The following LYZL2 variants were observed in gnomAD, a reference collection of about 807,000 sequenced individuals.
LYZL2 encodes lysozyme-like protein 2.
LYZL2 carries 13 observed loss-of-function variants against 17.1 expected under a neutral mutation model. The ratio of observed to expected loss-of-function variants is 0.76; its 90% CI spans 0.49 to 1.21. The LOEUF is 1.21. Among genes scored for constraint, LYZL2 ranks in the 50% most tolerant of loss-of-function variants. The pLI, the probability that LYZL2 is intolerant of heterozygous loss-of-function variation, is 0.00. For missense variants in LYZL2, 166 were observed against 189.2 expected (o/e 0.88, Z 0.72); for synonymous variants, 63 against 74.4 (o/e 0.85, Z 0.79).
At chr10:30,617,391 GTCGA>G (rs1364732664) in intron 3 of LYZL2, among the ~76,000 whole-genome samples, 1 of 152,168 alleles carries the variant, frequency 6.6e-6, no homozygotes, top group Non-Finnish European at 1.5e-5. Flanking sequence ...AGGAAAGTAT[GTCGA>G]CCGGGCGCGG....
At chr10:30,609,720 A>G (rs1338363637), downstream of LYZL2, among the ~76,000 whole-genome samples, 2 of 152,226 alleles carry the variant, frequency 1.3e-5, no homozygotes, top group Admixed American at 6.5e-5. Flanking sequence ...AAATATCTAT[A>G]AAGGGAACAT....
intron 3 of LYZL2, among the ~76,000 whole-genome samples, chr10:30,614,986 T>C (rs1366287467): frequency 6.6e-6 from 1 of 152,202 alleles, no homozygotes; most frequent in African/African-American, 2.4e-5. Context: ...TAAAGAGCTG[T>C]TTGAATTATG....
At position 30,629,739 on chromosome 10, in the gene LYZL2, G is replaced by T. The variant is rs183167078; in HGVS notation, c.-172C>A. ...GCCATGTCTGATTCTAACAAGGCTC[G>T]AGTAATCCTTTCCTAGCTCAAGAAC... is the stretch of plus-strand genomic sequence containing the variant. On this transcript the variant is annotated 5_prime_UTR_variant, in exon 1 of 5. Coordinates refer to ENST00000647634, the MANE Select transcript of LYZL2 (RefSeq NM_183058.3). 9.2e-5 allele frequency: 146 copies of T among 1,579,024 alleles called. 2 individuals are homozygous for T. The highest frequency in any genetic ancestry group is 5.4e-4 in the African/African-American group (40 of 73,570).
At chr10:30,610,885 A>G (rs1838423388), downstream of LYZL2, among the ~76,000 whole-genome samples, 4 of 152,218 alleles carry the variant, frequency 2.6e-5, no homozygotes. Context: ...TCAAACCATG[A>G]ATCTCAGTTG....
At position 30,619,118 on chromosome 10, in the gene LYZL2, C is replaced by T. The variant is rs186229836; in HGVS notation, c.299-6218G>A. Among the ~76,000 whole-genome samples, 5 of 152,324 alleles carry T rather than the reference C, an allele frequency of 3.3e-5. No homozygotes were observed. The East Asian group carries it at 9.6e-4, about 29-fold the overall frequency. ...CCATCAGAGAAATGCAAATCCAAACCACAATGAGATACCATCTCACATCAG... is the reference window on the plus strand; with the variant it reads ...CCATCAGAGAAATGCAAATCCAAACTACAATGAGATACCATCTCACATCAG... On this transcript the variant is annotated intron_variant, in intron 3 of 4. Coordinates refer to ENST00000647634, the MANE Select transcript of LYZL2 (RefSeq NM_183058.3).
chr10:30,617,674 C>CAAAAAAAAAAAAAAAAAAA (rs1165550893), intron 3 of LYZL2, among the ~76,000 whole-genome samples: 31 of 50,212 alleles, frequency 6.2e-4, no homozygotes, highest in Non-Finnish European at 7.6e-4. Flanking sequence ...GACTCTGTCT[C>CAAAAAAAAAAAAAAAAAAA]AAAAAAAAAA....
chr10:30,622,762 C>T (rs948019213), intron 3 of LYZL2, among the ~76,000 whole-genome samples: 28 of 152,148 alleles, frequency 1.8e-4, no homozygotes, highest in African/African-American at 6.0e-4. Context: ...CAATCGAAAC[C>T]ATATGGCCTG....
chr10:30,628,076 C>T (rs1317927734), intron 1 of LYZL2, among the ~76,000 whole-genome samples: 2 of 151,998 alleles, frequency 1.3e-5, no homozygotes, highest in African/African-American at 2.4e-5. Context: ...AGGAGAATGG[C>T]GTGAACCCAG....
intron 3 of LYZL2, among the ~76,000 whole-genome samples, chr10:30,625,883 C>T (rs1838693619): frequency 1.3e-5 from 2 of 152,192 alleles, no homozygotes. Flanking sequence ...TAGGGGAGGG[C>T]TTCATAAAAC....
intron 1 of LYZL2, among the ~76,000 whole-genome samples, chr10:30,628,380 A>T (rs1838753808): frequency 6.6e-6 from 1 of 152,182 alleles, no homozygotes; most frequent in South Asian, 2.1e-4. Context: ...AGCAAGAGGG[A>T]TGGAGGACAA....
downstream of LYZL2, among the ~76,000 whole-genome samples, chr10:30,609,755 C>A (rs775463770): frequency 1.3e-5 from 2 of 152,166 alleles, no homozygotes; most frequent in Non-Finnish European, 2.9e-5. Flanking sequence ...CTAAAATATA[C>A]TTCTGTTGAA....
At chr10:30,614,779 C>T (rs1346653611) in intron 3 of LYZL2, among the ~76,000 whole-genome samples, 4 of 152,098 alleles carry the variant, frequency 2.6e-5, no homozygotes, top group African/African-American at 9.7e-5. Context: ...TGTTTAGAGC[C>T]TTAACGAGGT....
rs377134765 is a variant in LYZL2, at chr10:30,629,627, C to T, written c.-60G>A. 1.4e-5 allele frequency: 23 copies of T among 1,614,120 alleles called. No individual in the cohort carries two copies. The highest frequency in any genetic ancestry group is 1.9e-5 in the Non-Finnish European group (22 of 1,180,032). ...AGATTCCTGGTGCCTGCCGCAGAGG[C>T]TGACTTCTCAGTTGAGTCTGCGGAA... is the stretch of plus-strand genomic sequence containing the variant. On this transcript the variant is annotated 5_prime_UTR_variant, in exon 1 of 5. Transcript: ENST00000647634.
chr10:30,627,524 G>A (rs1423016702), intron 1 of LYZL2, among the ~76,000 whole-genome samples: 1 of 151,734 alleles, frequency 6.6e-6, no homozygotes, highest in African/African-American at 2.4e-5. Flanking sequence ...TTAACAAATA[G>A]TTAATATTTA....
intron 1 of LYZL2, among the ~76,000 whole-genome samples, chr10:30,627,166 C>T (rs1316106737): frequency 3.3e-5 from 5 of 152,142 alleles, no homozygotes; most frequent in Non-Finnish European, 5.9e-5. Context: ...GCTGTGTTCT[C>T]AGGGTTAAGT....
chr10:30,616,151 C>G (rs1036276589), intron 3 of LYZL2, among the ~76,000 whole-genome samples: 6 of 152,158 alleles, frequency 3.9e-5, no homozygotes, highest in African/African-American at 1.4e-4. Context: ...CCTTGAGTTG[C>G]TAATTTTGTT....
Position 30,612,900 on chromosome 10 carries a change from G to T in LYZL2, c.299C>A (p.Ala100Asp), listed in dbSNP as rs760585966. 3 of 1,613,326 alleles carry T rather than the reference G, an allele frequency of 1.9e-6. No individual in the cohort carries two copies. Among genetic ancestry groups the T allele is most frequent in the African/African-American group, 2.7e-5 (2 of 74,904 alleles). Residue 100 changes from alanine to aspartate, a missense_variant and splice_region_variant, in exon 4 of 5, where the codon GCC (alanine) becomes GAC (aspartate). Ala to Asp is a moderately radical substitution (Grantham distance 126). This residue lies in a region of LYZL2 where 134 missense variants were observed against 129.4 expected (regional missense o/e 1.04). Transcript: ENST00000647634. ...ATCTGTGAGGTCATCAGTGACCAAG[G>T]CTGTAAAAAGAGAGGTCATCAGGGT... is the stretch of plus-strand genomic sequence containing the variant. ...ENNHCHVACS[A>D]LVTDDLTDAI... is the part of the protein sequence containing the mutation.
In LYZL2 at chr10:30,626,246, A is replaced by C; in HGVS notation, c.157T>G (p.Tyr53Asp). Residue 53 changes from tyrosine (Y) to aspartate (D), a missense_variant, in exon 3 of 5, where the codon TAT becomes GAT. Coordinates refer to ENST00000647634, the MANE Select transcript of LYZL2 (RefSeq NM_183058.3). ...SLGNWICMAY[Y>D]ESGYNTTAQT... ...GCTGTGGTGTTGTAGCCGCTCTCAT[A>C]ATACGCCATGCAGATCCCTGGAGGG... The C allele has an allele frequency of 1.2e-6, 2 of 1,614,250 alleles. No individual in the cohort carries two copies. Among genetic ancestry groups the C allele is most frequent in the Non-Finnish European group, 1.7e-6 (2 of 1,180,044 alleles).
At position 30,626,833 on chromosome 10, in the gene LYZL2, G is replaced by A. The variant is rs781295672; in HGVS notation, c.83C>T (p.Ala28Val). 2.0e-5 allele frequency: 32 copies of A among 1,614,112 alleles called. No individual in the cohort carries two copies. The highest frequency in any genetic ancestry group is 2.5e-5 in the Non-Finnish European group (30 of 1,180,042). Residue 28 changes from alanine to valine, a missense_variant, in exon 2 of 5, where the codon GCA (alanine) becomes GTA (valine). By Grantham distance (64) the Ala-to-Val change is moderately conservative. Coordinates refer to ENST00000647634, the MANE Select transcript of LYZL2 (RefSeq NM_183058.3). ...ESKIYTRCKL[A>V]KIFSRAGLDN... is the part of the protein sequence containing the mutation. ...CAGGCCAGCCCTCGAGAATATTTTT[G>A]CCAGTTTGCAACGAGTGTAGATTTT...
Sources: allele counts gnomAD v4.1 joint callset (sites outside exome capture counted in the v4.1 genomes callset), GRCh38; gene constraint gnomAD v4.1.1; regional missense constraint gnomAD v4.1.1; transcripts MANE v1.5; gene names NCBI Gene and HGNC (gene_info 2026-07-23, HGNC 2026-07-21).